Variants in CPOX observed in about 807,000 individuals in gnomAD.
CPOX encodes coproporphyrinogen oxidase.
Under a neutral mutation model 48.9 loss-of-function variants are expected in CPOX, and 24 were observed. The ratio of observed to expected loss-of-function variants is 0.49; its 90% confidence interval spans 0.36 to 0.69. CPOX has a LOEUF of 0.69. CPOX is among the 30% of genes least tolerant of loss of function. The pLI is 0.00. For missense variants in CPOX, 549 were observed against 597.3 expected (o/e 0.92, Z 0.84); for synonymous variants, 249 against 234.6 (o/e 1.06, Z -0.56).
At position 98,579,591 on chromosome 3, in the gene CPOX, C is replaced by G; in HGVS notation, c.*1092G>C. On this transcript the variant is annotated 3_prime_UTR_variant, in exon 7 of 7. Coordinates refer to ENST00000647941, the MANE Select transcript of CPOX (RefSeq NM_000097.7). ...TAATGATATGTATGAGATGCTCTTC[C>G]TTATAAACTTTATTACGAAGCAAAT... 1.0e-6 allele frequency: 1 copy of G among 985,152 alleles called. No homozygotes were observed. Among genetic ancestry groups the G allele is most frequent in the Non-Finnish European group, 1.2e-6 (1 of 829,704 alleles). The allele number at this position is 985,152 out of a possible 1,614,324, so 61.0% of individuals were successfully genotyped here.
chr3:98,578,361 A>G (rs77042687), downstream of CPOX: 1,515 of 277,616 alleles, frequency 5.5e-3, 6 homozygotes, highest in Non-Finnish European at 7.7e-3. Context: ...GCATTATATC[A>G]TCACTATGTA....
At position 98,588,773 on chromosome 3, in the gene CPOX, C is replaced by T. The variant is rs1038446540; in HGVS notation, c.893G>A (p.Arg298Lys). 3.1e-6 allele frequency: 5 copies of T among 1,614,020 alleles called. No individual in the cohort carries two copies. The highest frequency in any genetic ancestry group is 4.2e-6 in the Non-Finnish European group (5 of 1,180,004). Residue 298 changes from arginine to lysine, a missense_variant, in exon 4 of 7, where the codon AGA becomes AAA. By Grantham distance (26) the Arg-to-Lys change is conservative. Around this residue, in one of 2 missense-constraint regions of CPOX, gnomAD observed 213 missense variants for 279.1 expected, o/e 0.76. Coordinates refer to ENST00000647941, the MANE Select transcript of CPOX (RefSeq NM_000097.7). ...LNQEDAVHFH[R>K]TLKEACDQHG... is the part of the protein sequence containing the mutation. ...CTGGTCACAAGCCTCCTTCAGAGTT[C>T]TGTGAAAATGGACAGCGTCTTCTTG...
Position 98,580,434 on chromosome 3 carries a change from G to A in CPOX, c.*249C>T. On this transcript the variant is annotated 3_prime_UTR_variant, in exon 7 of 7. Coordinates refer to ENST00000647941, the MANE Select transcript of CPOX (RefSeq NM_000097.7). ...ACTTGGAAACTCAATGTCCTATTTT[G>A]TAAACTAGTCATATAAAATGACACT... 7.6e-7 allele frequency: 1 copy of A among 1,311,260 alleles called. No individual in the cohort carries two copies. The highest frequency in any genetic ancestry group is 9.8e-7 in the Non-Finnish European group (1 of 1,024,082). 81.2% of individuals were successfully genotyped at this position (1,311,260 alleles called of 1,614,324 possible).
chr3:98,571,220 T>C, the CPOX span, among the ~76,000 whole-genome samples: 3 of 152,228 alleles, frequency 2.0e-5, no homozygotes, highest in Non-Finnish European at 2.9e-5. Context: ...GCTTAGCATC[T>C]CTAATACAAT....
intron 3 of CPOX, among the ~76,000 whole-genome samples, chr3:98,589,243 CA>C (rs1707428966): frequency 6.6e-6 from 1 of 152,036 alleles, no homozygotes; most frequent in South Asian, 2.1e-4. Flanking sequence ...CACTTGAACC[CA>C]GGAGGTGGAG....
chr3:98,573,108 A>G, the CPOX span, among the ~76,000 whole-genome samples: 1 of 152,190 alleles, frequency 6.6e-6, no homozygotes, highest in Admixed American at 6.5e-5. Context: ...ATCTTTTTAG[A>G]ATTATGTTTC....
In CPOX at chr3:98,591,045, T is replaced by C; in HGVS notation, c.667A>G (p.Arg223Gly). The C allele has an allele frequency of 6.2e-7, 1 of 1,614,180 alleles. No homozygotes were observed. The highest frequency in any genetic ancestry group is 8.5e-7 in the Non-Finnish European group (1 of 1,180,006). The change falls in exon 2 of 7, where the codon AGA (arginine) becomes GGA (glycine). Residue 223 changes from arginine to glycine, a missense_variant. Transcript: ENST00000647941. ...GTCTTCAGAACTTTTCCTCTGCTTCTCATTTGTTTTGCAGCTTCCTCTGAA... is the reference window on the plus strand; with the variant it reads ...GTCTTCAGAACTTTTCCTCTGCTTCCCATTTGTTTTGCAGCTTCCTCTGAA... ...NLSEEAAKQM[R>G]SRGKVLKTKD...
intron 3 of CPOX, among the ~76,000 whole-genome samples, chr3:98,589,311 C>T (rs958173366): frequency 3.3e-5 from 5 of 151,926 alleles, no homozygotes; most frequent in African/African-American, 1.2e-4. Flanking sequence ...AAGAGTGAGA[C>T]TCCATCTCAA....
chr3:98,590,646 A>C lies in CPOX; in HGVS notation c.797T>G (p.Val266Gly), dbSNP rs1707461124. 1.2e-6 allele frequency: 2 copies of C among 1,610,950 alleles called. No individual in the cohort carries two copies. The highest frequency in any genetic ancestry group is 1.7e-6 in the Non-Finnish European group (2 of 1,177,080). ...TIHFNYRYFE[V>G]EEADGNKQWW... ...GAGACCCTTACCATCAGCTTCTTCTACTTCAAAGTATCTGTAGTTGAAATG... is the reference window on the plus strand; with the variant it reads ...GAGACCCTTACCATCAGCTTCTTCTCCTTCAAAGTATCTGTAGTTGAAATG... The change falls in exon 3 of 7, where the codon GTA becomes GGA. Residue 266 changes from valine (V) to glycine (G), a missense_variant. Around this residue, in one of 2 missense-constraint regions of CPOX, gnomAD observed 213 missense variants for 279.1 expected, o/e 0.76. Transcript: ENST00000647941.
chr3:98,590,721 A>G lies in CPOX; in HGVS notation c.722T>C (p.Met241Thr). 2 of 1,613,928 alleles carry G rather than the reference A, an allele frequency of 1.2e-6. No individual in the cohort carries two copies. Among genetic ancestry groups the G allele is most frequent in the Non-Finnish European group, 8.5e-7 (1 of 1,179,798 alleles). Residue 241 changes from methionine (M) to threonine (T), a missense_variant, in exon 3 of 7, where the codon ATG becomes ACG. Coordinates refer to ENST00000647941, the MANE Select transcript of CPOX (RefSeq NM_000097.7). ...TKDGKLPFCAMGVSSVIHPKN... is the reference protein window; with the variant it reads ...TKDGKLPFCATGVSSVIHPKN... The stretch of plus-strand genomic sequence containing the variant: ...GGGGTGGATAACAGAGCTCACGCCC[A>G]TAGCACAAAATGGCAATTTACCTGG...
the CPOX span, among the ~76,000 whole-genome samples, chr3:98,572,823 C>T: frequency 3.3e-5 from 5 of 152,142 alleles, no homozygotes; most frequent in Non-Finnish European, 7.4e-5. Context: ...TTCTTCTCCA[C>T]TTTCATTTTT....
At chr3:98,582,712 T>TG (rs1707281418) in intron 5 of CPOX, among the ~76,000 whole-genome samples, 1 of 152,076 alleles carries the variant, frequency 6.6e-6, no homozygotes, top group African/African-American at 2.4e-5. Flanking sequence ...AGGATGGTCT[T>TG]GATCTCCTGA....
At chr3:98,590,494 A>G in intron 3 of CPOX, 138 bp downstream of exon 3, 1 of 718,946 alleles carries the variant, frequency 1.4e-6, no homozygotes, top group Admixed American at 2.0e-5. Flanking sequence ...TGCACTTGCC[A>G]AGAAATTGCC....
chr3:98,588,872 G>A lies in CPOX; in HGVS notation c.812-18C>T, dbSNP rs758690019. On this transcript the variant is annotated intron_variant, in intron 3 of 6. Transcript: ENST00000647941. ...CTTGTTGCCTACCAAATCAAGACAT[G>A]GGATTCTAATGTGGACTTTTGAGAT... The A allele has an allele frequency of 6.2e-7, 1 of 1,613,950 alleles. No homozygotes were observed. The highest frequency in any genetic ancestry group is 8.5e-7 in the Non-Finnish European group (1 of 1,179,906).
downstream of CPOX, among the ~76,000 whole-genome samples, chr3:98,574,948 G>A (rs1320303941): frequency 1.3e-5 from 2 of 152,162 alleles, no homozygotes; most frequent in African/African-American, 2.4e-5. Context: ...ATAAACTACA[G>A]TTTGAACTAC....
downstream of CPOX, among the ~76,000 whole-genome samples, chr3:98,577,973 G>A (rs1457905975): frequency 6.6e-6 from 1 of 152,194 alleles, no homozygotes; most frequent in Non-Finnish European, 1.5e-5. Context: ...TGCTGACTAG[G>A]AGGGTCAGCA....
intron 1 of CPOX, among the ~76,000 whole-genome samples, chr3:98,592,061 A>C (rs989026989): frequency 6.6e-6 from 1 of 152,008 alleles, no homozygotes; most frequent in South Asian, 2.1e-4. Flanking sequence ...CATAGATGGG[A>C]AAACAGCCAT....
At position 98,590,628 on chromosome 3, in the gene CPOX, T is replaced by C; in HGVS notation, c.811+4A>G. ...GTACTTTCCGTAGCTCCTGAGACCC[T>C]TACCATCAGCTTCTTCTACTTCAAA... On this transcript the variant is annotated splice_donor_region_variant and intron_variant, in intron 3 of 6. Coordinates refer to ENST00000647941, the MANE Select transcript of CPOX (RefSeq NM_000097.7). 6.3e-7 allele frequency: 1 copy of C among 1,594,434 alleles called. No homozygotes were observed. The highest frequency in any genetic ancestry group is 1.3e-5 in the African/African-American group (1 of 74,582).
chr3:98,584,981 C>T (rs545471992), intron 5 of CPOX, among the ~76,000 whole-genome samples: 1 of 152,294 alleles, frequency 6.6e-6, no homozygotes, highest in South Asian at 2.1e-4. Context: ...ACCTATCTTA[C>T]AGGTTTGTTG....
Sources: allele counts gnomAD v4.1 joint callset (sites outside exome capture counted in the v4.1 genomes callset), GRCh38; gene constraint gnomAD v4.1.1; regional missense constraint gnomAD v4.1.1; transcripts MANE v1.5; gene names NCBI Gene and HGNC (gene_info 2026-07-23, HGNC 2026-07-21).